Variants in CACNA1B observed in about 807,000 individuals in gnomAD.
The protein encoded by CACNA1B is voltage-dependent N-type calcium channel subunit alpha-1B.
A neutral mutation model predicts 247.2 loss-of-function variants in CACNA1B; 70 were observed. The observed-to-expected ratio is 0.28, with a 90% CI of 0.23 to 0.35. The LOEUF (loss-of-function observed/expected upper bound fraction) is 0.35, where lower values mean the gene tolerates loss of function less well. CACNA1B is among the 10% of genes least tolerant of loss of function. CACNA1B has a pLI of 1.00. For synonymous variants in CACNA1B, 1,231 were observed against 1,294.4 expected, an observed-to-expected ratio of 0.95 and a Z score of 1.05; for missense variants, 2,367 against 3,197.4, an observed-to-expected ratio of 0.74 and a Z score of 6.26.
intron 36 of CACNA1B, among the ~76,000 whole-genome samples, chr9:138,092,031 A>T (rs1960897382): frequency 6.6e-6 from 1 of 152,230 alleles, no homozygotes; most frequent in African/African-American, 2.4e-5. Flanking sequence ...GGAGTAAGAC[A>T]CAAAGAGCAC....
rs1300937519 is a variant in CACNA1B at position 138,014,218 on chromosome 9, A to C, written c.2267+983A>C. ...ATGCTGGCATGTGGATGAGTGTGCT[A>C]GGTGTGTGTGTGTGCACTTGAGAGT... On this transcript the variant is annotated intron_variant, in intron 18 of 46. Coordinates refer to ENST00000371372, the MANE Select transcript of CACNA1B (RefSeq NM_000718.4). This position sits in a 1 kb window ranked among gnomAD's most constrained non-coding sequence, Gnocchi z 6.2. 6.6e-6 allele frequency among the ~76,000 whole-genome samples: 1 copy of C among 152,078 alleles called. No homozygotes were observed. The highest frequency in any genetic ancestry group is 1.5e-5 in the Non-Finnish European group (1 of 68,000).
rs1002042845 is a variant in CACNA1B, at chr9:138,072,612, G to A, written c.4675-876G>A. Among the ~76,000 whole-genome samples the A allele has an allele frequency of 6.6e-6, 1 of 152,174 alleles. No homozygotes were observed. Among genetic ancestry groups the A allele is most frequent in the African/African-American group, 2.4e-5 (1 of 41,442 alleles). ...GCACCTGACCTCTAGGTAGACAGAG[G>A]GCAGAAAGCCTCCTGGGTCCACAAG... On this transcript the variant is annotated intron_variant, in intron 32 of 46. Coordinates refer to ENST00000371372, the MANE Select transcript of CACNA1B (RefSeq NM_000718.4). This position sits in a 1 kb window ranked among gnomAD's most constrained non-coding sequence, Gnocchi z 4.5.
At chr9:138,021,450 C>T (rs1958844113) in intron 18 of CACNA1B, among the ~76,000 whole-genome samples, 1 of 152,252 alleles carries the variant, frequency 6.6e-6, no homozygotes, top group African/African-American at 2.4e-5. Flanking sequence ...TGTTCACCTG[C>T]CTGGGGTGGG....
At position 137,973,515 on chromosome 9, in the gene CACNA1B, T is replaced by C. The variant is rs1191777810; in HGVS notation, c.1543+1923T>C. Among the ~76,000 whole-genome samples, 2 of 152,202 alleles carry C rather than the reference T, an allele frequency of 1.3e-5. No individual in the cohort carries two copies. Among genetic ancestry groups the C allele is most frequent in the African/African-American group, 4.8e-5 (2 of 41,450 alleles). On this transcript the variant is annotated intron_variant, in intron 11 of 46. Transcript: ENST00000371372. This position sits in a 1 kb window ranked among gnomAD's most constrained non-coding sequence, Gnocchi z 4.1. ...GGTTAAGAGGGGCACTGTCAGGACT[T>C]GCCATCCTGTGAGCCCCTGGGGGGC...
At chr9:138,066,939 CTT>C (rs1035254349) in intron 31 of CACNA1B, among the ~76,000 whole-genome samples, 4 of 152,040 alleles carry the variant, frequency 2.6e-5, no homozygotes, top group Non-Finnish European at 5.9e-5. Context: ...AAAGTCTAAA[CTT>C]AGTTCTTTAA....
At position 137,986,923 on chromosome 9, in the gene CACNA1B, A is replaced by G; in HGVS notation, c.1974+69A>G. 10 of 1,139,692 alleles carry G rather than the reference A, an allele frequency of 8.8e-6. No individual in the cohort carries two copies. Among genetic ancestry groups the G allele is most frequent in the Non-Finnish European group, 1.3e-5 (10 of 750,928 alleles). The allele number at this position is 1,139,692 out of a possible 1,614,324, so 70.6% of individuals were successfully genotyped here. A position where few individuals can be genotyped will look rare whatever the true frequency, so the allele number is the denominator to read the frequency against. On this transcript the variant is annotated intron_variant, in intron 15 of 46. Transcript: ENST00000371372. This position sits in a 1 kb window ranked among gnomAD's most constrained non-coding sequence, Gnocchi z 6.0. ...TCTCCCCTGGGTGCTGGGAAGGCGG[A>G]CTCTCCTGTCATTCCCTCCCTTGTT...
rs117817548 is a variant in CACNA1B at position 137,944,984 on chromosome 9, G to A, written c.967-7290G>A. 5.9e-5 allele frequency among the ~76,000 whole-genome samples: 9 copies of A among 152,242 alleles called. No individual in the cohort carries two copies. The East Asian group carries it at 1.7e-3, about 29-fold the overall frequency. On this transcript the variant is annotated intron_variant, in intron 6 of 46. Transcript: ENST00000371372. ...CTGCCTTAAGACCTTCCTTTTCAGG[G>A]CAGGTTCCAGGACTTTTGCAGATTG...
At chr9:138,110,881 G>A (rs1235424255) in intron 39 of CACNA1B, among the ~76,000 whole-genome samples, 2 of 151,812 alleles carry the variant, frequency 1.3e-5, no homozygotes, top group African/African-American at 4.8e-5. Flanking sequence ...ACAGACAAAA[G>A]ATTTGAACAG....
At position 137,903,110 on chromosome 9, in the gene CACNA1B, C is replaced by A. The variant is rs556728523; in HGVS notation, c.531-10070C>A. Among the ~76,000 whole-genome samples the A allele has an allele frequency of 4.8e-3, 734 of 152,260 alleles. 6 individuals carry two copies. The highest frequency in any genetic ancestry group is 0.017 in the African/African-American group (691 of 41,554). The stretch of plus-strand genomic sequence containing the variant: ...AATTATACTATTAAAAAACTCTTCA[C>A]CGGTGGCTCACGCCTGTAATTCCAG... On this transcript the variant is annotated intron_variant, in intron 3 of 46. Coordinates refer to ENST00000371372, the MANE Select transcript of CACNA1B (RefSeq NM_000718.4).
At chr9:138,114,766 G>T (rs1292629982) in intron 41 of CACNA1B, among the ~76,000 whole-genome samples, 1 of 152,186 alleles carries the variant, frequency 6.6e-6, no homozygotes, top group African/African-American at 2.4e-5. Context: ...CAGTGTCATG[G>T]TTGTTATGGG....
At chr9:138,043,522 C>T (rs886401587) in intron 20 of CACNA1B, among the ~76,000 whole-genome samples, 3 of 152,138 alleles carry the variant, frequency 2.0e-5, no homozygotes, top group Non-Finnish European at 2.9e-5. Flanking sequence ...GTGCTGGGCT[C>T]GGTGTTGTTG....
At chr9:138,080,897 T>C (rs778698552) in intron 36 of CACNA1B, among the ~76,000 whole-genome samples, 1 of 152,154 alleles carries the variant, frequency 6.6e-6, no homozygotes, top group Non-Finnish European at 1.5e-5. Context: ...ACAGGTGAGC[T>C]TACACTTAGA....
chr9:137,980,549 C>A (rs889087184), intron 12 of CACNA1B, among the ~76,000 whole-genome samples: 1 of 152,204 alleles, frequency 6.6e-6, no homozygotes, highest in African/African-American at 2.4e-5. Flanking sequence ...AGGGGTTACA[C>A]GTGCAGGTTT....
intron 20 of CACNA1B, among the ~76,000 whole-genome samples, chr9:138,028,068 C>T (rs1470842161): frequency 8.7e-6 from 1 of 115,416 alleles, no homozygotes; most frequent in East Asian, 3.0e-4. Context: ...GAGCCTTGCT[C>T]TGTCACCCTG....
At chr9:138,083,106 G>A (rs62580953) in intron 36 of CACNA1B, among the ~76,000 whole-genome samples, 25,453 of 150,366 alleles carry the variant, frequency 0.17, 2,902 homozygotes, top group East Asian at 0.38. Context: ...AGCTGCCTGG[G>A]GTCCACACAC....
rs532664430 is a variant in CACNA1B, at chr9:138,088,238, G to A, written c.5095-8246G>A. On this transcript the variant is annotated intron_variant, in intron 36 of 46. Coordinates refer to ENST00000371372, the MANE Select transcript of CACNA1B (RefSeq NM_000718.4). ...ATAAAAATTAGCCAGTTATGTTGGC[G>A]GGCACCTGTAAGCCCATCTACTTGG... 1.5e-4 allele frequency among the ~76,000 whole-genome samples: 22 copies of A among 151,698 alleles called. No individual in the cohort carries two copies. The South Asian group carries it at 3.1e-3, about 22-fold the overall frequency.
At position 138,052,120 on chromosome 9, in the gene CACNA1B, A is replaced by C; in HGVS notation, c.3739A>C (p.Ile1247Leu). The change falls in exon 25 of 47, where the codon ATC (isoleucine) becomes CTC (leucine). Residue 1247 changes from isoleucine (I) to leucine (L), a missense_variant. This residue lies in a region of CACNA1B where 436 missense variants were observed against 679.5 expected (regional missense o/e 0.64). Transcript: ENST00000371372. The surrounding 1 kb of genome is among the most constrained non-coding windows in gnomAD (Gnocchi z 5.1). ...ATCCAAAGGGAAAGACATCAATACC[A>C]TCAAGTCTCTGAGAGTCCTTCGTGT... ...SGSKGKDINT[I>L]KSLRVLRVLR... The C allele has an allele frequency of 6.2e-7, 1 of 1,611,430 alleles. No homozygotes were observed. The highest frequency in any genetic ancestry group is 1.3e-5 in the African/African-American group (1 of 74,994).
rs1206846967 is a variant in CACNA1B at position 137,971,244 on chromosome 9, A to G, written c.1334-139A>G. Reference sequence around the variant, plus strand: ...CCCTCAGCTGTGAAGTGGAGGTCACAGGGGTCACTGGCACAATTGTCTGTG... The same window carrying G: ...CCCTCAGCTGTGAAGTGGAGGTCACGGGGGTCACTGGCACAATTGTCTGTG... On this transcript the variant is annotated intron_variant, in intron 10 of 46. Transcript: ENST00000371372. This position sits in a 1 kb window ranked among gnomAD's most constrained non-coding sequence, Gnocchi z 4.4. The G allele has an allele frequency of 1.5e-6, 1 of 650,086 alleles. No homozygotes were observed. Among genetic ancestry groups the G allele is most frequent in the Non-Finnish European group, 2.7e-6 (1 of 364,338 alleles). 40.3% of individuals were successfully genotyped at this position (650,086 alleles called of 1,614,324 possible).
Position 138,020,894 on chromosome 9 carries a change from C to A in CACNA1B, c.2268-2117C>A, listed in dbSNP as rs1017352755. ...CCTTCACACAGACCCTGTGCCTCTG[C>A]ATGTTCCCCATGGTCCTCACTGCCT... is the stretch of plus-strand genomic sequence containing the variant. On this transcript the variant is annotated intron_variant, in intron 18 of 46. Coordinates refer to ENST00000371372, the MANE Select transcript of CACNA1B (RefSeq NM_000718.4). This position sits in a 1 kb window ranked among gnomAD's most constrained non-coding sequence, Gnocchi z 4.1. Among the ~76,000 whole-genome samples, 1 of 152,218 alleles carries A rather than the reference C, an allele frequency of 6.6e-6. No homozygotes were observed. The highest frequency in any genetic ancestry group is 1.5e-5 in the Non-Finnish European group (1 of 68,032).
Sources: gnomAD v4.1 joint callset for allele counts (sites outside exome capture counted in the v4.1 genomes callset) on GRCh38, gnomAD v4.1.1 for gene constraint, gnomAD v4.1.1 regional missense constraint, Gnocchi (gnomAD v3.1) non-coding constraint, MANE v1.5 for transcripts, NCBI Gene and HGNC (gene_info 2026-07-23, HGNC 2026-07-21) for gene names.